The following GRIN2B variants were observed in gnomAD, a reference collection of about 807,000 sequenced individuals.
GRIN2B encodes the protein glutamate ionotropic receptor NMDA type subunit 2B.
Under a neutral mutation model 114.5 loss-of-function variants are expected in GRIN2B, and 5 were observed. That is an observed-to-expected ratio of 0.04 (90% CI 0.02 to 0.09). GRIN2B has a LOEUF of 0.09. Among genes scored for constraint, GRIN2B ranks in the 10% least tolerant of loss-of-function variants. GRIN2B has a pLI of 1.00. For missense variants in GRIN2B, 1,108 were observed against 1,943.5 expected (o/e 0.57, Z 8.08); for synonymous variants, 787 against 745.1 (o/e 1.06, Z -0.92).
At position 13,538,190 on chromosome 12, in the gene GRIN2B, A is replaced by T. The variant is rs965869867; in HGVS notation, c.*24593T>A. ...CCAAGGAGGCTCATCTTTCCGGAAC[A>T]GTTGGCTGATGGGGACACAACCGGG... On this transcript the variant is annotated 3_prime_UTR_variant, in exon 14 of 14. Coordinates refer to ENST00000609686, the MANE Select transcript of GRIN2B (RefSeq NM_000834.5). The T allele has an allele frequency of 9.2e-5, 14 of 152,292 alleles. No individual in the cohort carries two copies. The highest frequency in any genetic ancestry group is 3.4e-4 in the African/African-American group (14 of 41,462). The allele number at this position is 152,292 out of a possible 1,614,324, so 9.4% of individuals were successfully genotyped here.
At chr12:13,808,583 A>C (rs1434368306) in intron 3 of GRIN2B, among the ~76,000 whole-genome samples, 3 of 147,154 alleles carry the variant, frequency 2.0e-5, no homozygotes, top group Non-Finnish European at 4.5e-5. Context: ...ATCACACACC[A>C]GGGCCTGTTG....
At chr12:13,605,987 C>T (rs1398399785) in intron 10 of GRIN2B, among the ~76,000 whole-genome samples, 1 of 152,154 alleles carries the variant, frequency 6.6e-6, no homozygotes, top group East Asian at 1.9e-4. Flanking sequence ...ACATGATACA[C>T]TACACCCCTG....
At chr12:13,758,712 G>A (rs927036128) in intron 3 of GRIN2B, among the ~76,000 whole-genome samples, 4 of 152,066 alleles carry the variant, frequency 2.6e-5, no homozygotes, top group Non-Finnish European at 5.9e-5. Flanking sequence ...GGTCTTTTAG[G>A]TATGTTATCT....
chr12:13,563,439 C>T lies in GRIN2B; in HGVS notation c.3799G>A (p.Ala1267Thr), dbSNP rs141844705. 9 of 1,614,060 alleles carry T rather than the reference C, an allele frequency of 5.6e-6. No homozygotes were observed. Among genetic ancestry groups the T allele is most frequent in the South Asian group, 1.1e-5 (1 of 91,086 alleles). Reference sequence around the variant, plus strand: ...TTTGACGTCACCGCCACTGGGGCAGCCGGCTGGTCCAGTTCCTGCAGGGAG... The same window carrying T: ...TTTGACGTCACCGCCACTGGGGCAGTCGGCTGGTCCAGTTCCTGCAGGGAG... Reference protein sequence around the residue: ...DNSLQELDQPAAPVAVTSNAS... With the variant: ...DNSLQELDQPTAPVAVTSNAS... The change falls in exon 14 of 14, where the codon GCT (alanine) becomes ACT (threonine). Residue 1267 changes from alanine (A) to threonine (T), a missense_variant. By Grantham distance (58) the Ala-to-Thr change is moderately conservative. This residue lies in a region of GRIN2B where 478 missense variants were observed against 506.0 expected (regional missense o/e 0.94). Transcript: ENST00000609686.
intron 4 of GRIN2B, among the ~76,000 whole-genome samples, chr12:13,739,402 A>G (rs1220745507): frequency 1.5e-5 from 2 of 131,760 alleles, no homozygotes; most frequent in African/African-American, 5.6e-5. Context: ...AAAAAAAAAA[A>G]GAAGAAAAGG....
At chr12:13,768,680 G>T (rs1433606171) in intron 3 of GRIN2B, among the ~76,000 whole-genome samples, 1 of 152,118 alleles carries the variant, frequency 6.6e-6, no homozygotes, top group Non-Finnish European at 1.5e-5. Context: ...TTTTTATTTT[G>T]TTGGTTGTTG....
chr12:13,670,010 T>C (rs1181162763), intron 5 of GRIN2B, among the ~76,000 whole-genome samples: 1 of 152,090 alleles, frequency 6.6e-6, no homozygotes, highest in Non-Finnish European at 1.5e-5. Context: ...CATTCTGTTT[T>C]ACTACATTTT....
chr12:13,801,465 A>G (rs1864511228), intron 3 of GRIN2B, among the ~76,000 whole-genome samples: 1 of 152,178 alleles, frequency 6.6e-6, no homozygotes, highest in South Asian at 2.1e-4. Context: ...GAGGTACAAC[A>G]CCACAGGCCC....
intron 1 of GRIN2B, among the ~76,000 whole-genome samples, chr12:13,980,934 GCACTCACACTCACCCCCGCGCA>G: frequency 6.6e-6 from 1 of 152,122 alleles, no homozygotes; most frequent in African/African-American, 2.4e-5. Flanking sequence ...CGCCCCGCGC[GCACTCACACTCACCCCCGCGCA>G]CACTCACCCC....
At chr12:13,937,402 G>A (rs1469954257) in intron 2 of GRIN2B, among the ~76,000 whole-genome samples, 2 of 151,626 alleles carry the variant, frequency 1.3e-5, no homozygotes, top group Non-Finnish European at 2.9e-5. Context: ...CTTGAAAGTA[G>A]CCAGTAAGAA....
chr12:13,821,290 G>A (rs1864931472), intron 3 of GRIN2B, among the ~76,000 whole-genome samples: 1 of 152,132 alleles, frequency 6.6e-6, no homozygotes, highest in Non-Finnish European at 1.5e-5. Flanking sequence ...CTGAAACCAA[G>A]CAATAGAGTA....
intron 10 of GRIN2B, among the ~76,000 whole-genome samples, chr12:13,607,407 A>ATTTTTTAT (rs1565473834): frequency 2.7e-5 from 2 of 74,382 alleles, no homozygotes; most frequent in African/African-American, 1.2e-4. Context: ...TATAATATAT[A>ATTTTTTAT]AAATATATAA....
chr12:13,935,397 G>A (rs219893), intron 2 of GRIN2B, among the ~76,000 whole-genome samples: 145,270 of 152,276 alleles, frequency 0.95, 69,395 homozygotes, highest in East Asian at 1. Context: ...GAAGCATTTC[G>A]TCTCATCCTT....
chr12:13,805,192 CA>C (rs1420389992), intron 3 of GRIN2B, among the ~76,000 whole-genome samples: 2 of 152,030 alleles, frequency 1.3e-5, no homozygotes, highest in African/African-American at 4.8e-5. Flanking sequence ...CTCTATTTTA[CA>C]ATTAAGAAAC....
intron 5 of GRIN2B, among the ~76,000 whole-genome samples, chr12:13,647,458 T>C (rs1292098249): frequency 6.6e-6 from 1 of 152,146 alleles, no homozygotes; most frequent in Non-Finnish European, 1.5e-5. Context: ...CTCTTCTCAT[T>C]AACTTTCATT....
intron 4 of GRIN2B, among the ~76,000 whole-genome samples, chr12:13,746,267 A>C (rs1269561205): frequency 6.6e-6 from 1 of 152,138 alleles, no homozygotes; most frequent in Non-Finnish European, 1.5e-5. Context: ...CTAACGATGG[A>C]GTTCATAACT....
intron 3 of GRIN2B, among the ~76,000 whole-genome samples, chr12:13,784,551 T>G (rs1315854431): frequency 6.6e-6 from 1 of 152,112 alleles, no homozygotes; most frequent in Non-Finnish European, 1.5e-5. Flanking sequence ...AGAGCTATAG[T>G]CAATTTCCAC....
intron 8 of GRIN2B, among the ~76,000 whole-genome samples, chr12:13,613,873 G>A (rs947030339): frequency 6.6e-6 from 1 of 152,192 alleles, no homozygotes; most frequent in South Asian, 2.1e-4. Context: ...CACCCTGCCT[G>A]ACATTTCTAT....
intron 2 of GRIN2B, among the ~76,000 whole-genome samples, chr12:13,905,418 T>G (rs1189891816): frequency 6.6e-6 from 1 of 152,222 alleles, no homozygotes; most frequent in Non-Finnish European, 1.5e-5. Context: ...AAAAATACTT[T>G]TTGCGCTTTC....
Sources: allele counts gnomAD v4.1 joint callset (sites outside exome capture counted in the v4.1 genomes callset), GRCh38; gene constraint gnomAD v4.1.1; regional missense constraint gnomAD v4.1.1; transcripts MANE v1.5; gene names NCBI Gene and HGNC (gene_info 2026-07-23, HGNC 2026-07-21).